PPARG: variants seen among roughly 807,000 people sequenced by gnomAD.
PPARG encodes the protein peroxisome proliferator-activated receptor gamma.
A neutral mutation model predicts 39.2 loss-of-function variants in PPARG; 17 were observed. The observed-to-expected ratio is 0.43, with a 90% CI of 0.30 to 0.65. PPARG has a LOEUF of 0.65. Among genes scored for constraint, PPARG ranks in the 30% least tolerant of loss-of-function variants. The probability of loss-of-function intolerance (pLI) is 0.13; values close to 1 mark genes in which losing one functional copy is unlikely to be tolerated. For missense variants in PPARG, 406 were observed against 585.9 expected, an observed-to-expected ratio of 0.69 and a Z score of 3.17; for synonymous variants, 223 against 215.7, an observed-to-expected ratio of 1.03 and a Z score of -0.30.
At chr3:12,419,795 T>A (rs2051201440) in intron 7 of PPARG, among the ~76,000 whole-genome samples, 2 of 152,172 alleles carry the variant, frequency 1.3e-5, no homozygotes, top group South Asian at 4.1e-4. Context: ...AGGCACATTT[T>A]ATTTTTAATA....
At position 12,434,030 on chromosome 3, in the gene PPARG, C is replaced by G; in HGVS notation, c.1313C>G (p.Thr438Arg). The G allele has an allele frequency of 6.2e-7, 1 of 1,614,226 alleles. No individual in the cohort carries two copies. The highest frequency in any genetic ancestry group is 8.5e-7 in the Non-Finnish European group (1 of 1,180,034). Residue 438 changes from threonine to arginine, a missense_variant, in exon 8 of 8, where the codon ACA becomes AGA. Physicochemically the swap from Thr to Arg is moderately conservative, Grantham distance 71 (BLOSUM62 -1). Transcript: ENST00000651735. The surrounding 1 kb of genome is among the most constrained non-coding windows in gnomAD (Gnocchi z 4.2). ...QLFAKLLQKM[T>R]DLRQIVTEHV... ...TTTGCCAAGCTGCTCCAGAAAATGA[C>G]AGACCTCAGACAGATTGTCACGGAA... is the stretch of plus-strand genomic sequence containing the variant.
At chr3:12,366,132 C>G (rs1048333250) in intron 2 of PPARG, among the ~76,000 whole-genome samples, 2 of 151,876 alleles carry the variant, frequency 1.3e-5, no homozygotes, top group African/African-American at 4.8e-5. Context: ...TAAATTTATA[C>G]TTAAGTATTT....
At chr3:12,362,697 G>T (rs1010297209) in intron 2 of PPARG, among the ~76,000 whole-genome samples, 3 of 151,888 alleles carry the variant, frequency 2.0e-5, no homozygotes, top group Non-Finnish European at 4.4e-5. Context: ...CCAGTACAGT[G>T]GTGAGTAGAA....
chr3:12,362,674 A>G (rs1377768540), intron 2 of PPARG, among the ~76,000 whole-genome samples: 1 of 151,708 alleles, frequency 6.6e-6, no homozygotes, highest in Non-Finnish European at 1.5e-5. Context: ...CCTTTGTTGC[A>G]TTGGATGGAT....
At chr3:12,417,916 T>TCC (rs1439758741) in intron 7 of PPARG, among the ~76,000 whole-genome samples, 1 of 129,818 alleles carries the variant, frequency 7.7e-6, no homozygotes, top group East Asian at 2.2e-4. Flanking sequence ...TTTTTTTTTT[T>TCC]TTTTTTTTTG....
At chr3:12,429,585 A>T (rs1010989896) in intron 7 of PPARG, among the ~76,000 whole-genome samples, 5 of 142,410 alleles carry the variant, frequency 3.5e-5, no homozygotes, top group African/African-American at 5.2e-5. Flanking sequence ...AAGCAGGTGG[A>T]GGAAGGAGGA....
chr3:12,329,464 G>C (rs1420458053), intron 2 of PPARG, among the ~76,000 whole-genome samples: 2 of 152,140 alleles, frequency 1.3e-5, no homozygotes, highest in Non-Finnish European at 2.9e-5. Flanking sequence ...TAGACTAGAT[G>C]ATTAGTTGTA....
intron 2 of PPARG, among the ~76,000 whole-genome samples, chr3:12,332,025 A>C (rs2047876208): frequency 6.6e-6 from 1 of 152,170 alleles, no homozygotes; most frequent in Non-Finnish European, 1.5e-5. Flanking sequence ...AGTGCTTGAA[A>C]CTATATGTGT....
chr3:12,288,253 G>A (rs936898806), upstream of PPARG, among the ~76,000 whole-genome samples: 1 of 151,824 alleles, frequency 6.6e-6, no homozygotes. Context: ...GGTCGCGGGC[G>A]GGCGGCTCAC....
chr3:12,328,503 G>A (rs996775201), intron 2 of PPARG, among the ~76,000 whole-genome samples: 4 of 152,196 alleles, frequency 2.6e-5, no homozygotes, highest in African/African-American at 4.8e-5. Flanking sequence ...TCCCTCTTGG[G>A]GTGTGTGATG....
At chr3:12,415,337 A>G (rs1300993741) in intron 6 of PPARG, among the ~76,000 whole-genome samples, 2 of 152,220 alleles carry the variant, frequency 1.3e-5, no homozygotes, top group East Asian at 3.8e-4. Context: ...CTTAAGTCAC[A>G]TGGCTCACCA....
intron 7 of PPARG, among the ~76,000 whole-genome samples, chr3:12,426,374 T>C (rs777792964): frequency 2.6e-5 from 4 of 152,220 alleles, no homozygotes; most frequent in Non-Finnish European, 5.9e-5. Flanking sequence ...CTATTTTATG[T>C]CATCCCCTTT....
chr3:12,338,035 T>C (rs568919226), intron 2 of PPARG, among the ~76,000 whole-genome samples: 6 of 152,338 alleles, frequency 3.9e-5, no homozygotes, highest in South Asian at 4.1e-4. Flanking sequence ...TTCTGCCTCT[T>C]CAGTCTTAAA....
At chr3:12,418,482 C>A (rs2051153730) in intron 7 of PPARG, among the ~76,000 whole-genome samples, 1 of 152,184 alleles carries the variant, frequency 6.6e-6, no homozygotes, top group Admixed American at 6.5e-5. Flanking sequence ...AGAGCACGAT[C>A]CCTTTGTCAT....
chr3:12,362,704 A>T (rs895220638), intron 2 of PPARG, among the ~76,000 whole-genome samples: 3 of 152,088 alleles, frequency 2.0e-5, no homozygotes, highest in Non-Finnish European at 4.4e-5. Context: ...AGTGGTGAGT[A>T]GAAGTAATGA....
At chr3:12,310,593 A>C (rs2124988915) in intron 1 of PPARG, among the ~76,000 whole-genome samples, 1 of 117,240 alleles carries the variant, frequency 8.5e-6, no homozygotes, top group South Asian at 2.8e-4. Flanking sequence ...CCTCCCAAGT[A>C]GCTGGGACTA....
At chr3:12,406,360 T>A (rs907184143) in intron 6 of PPARG, 12 of 427,274 alleles carry the variant, frequency 2.8e-5, no homozygotes, top group Non-Finnish European at 5.2e-5. Flanking sequence ...TTAAGCCCCC[T>A]GAGCCTATCA....
intron 5 of PPARG, among the ~76,000 whole-genome samples, chr3:12,399,004 G>A (rs1431671837): frequency 2.0e-5 from 3 of 152,162 alleles, no homozygotes; most frequent in Admixed American, 2.0e-4. Flanking sequence ...TGGGCAGAAA[G>A]GCCAGAGCCA....
At chr3:12,332,172 CT>C (rs1422104161) in intron 2 of PPARG, among the ~76,000 whole-genome samples, 1 of 152,090 alleles carries the variant, frequency 6.6e-6, no homozygotes, top group Non-Finnish European at 1.5e-5. Flanking sequence ...ATTTAAATTT[CT>C]GCTTAACCTA....
Sources: allele counts gnomAD v4.1 joint callset (sites outside exome capture counted in the v4.1 genomes callset), GRCh38; gene constraint gnomAD v4.1.1; non-coding constraint Gnocchi (gnomAD v3.1); transcripts MANE v1.5; gene names NCBI Gene and HGNC (gene_info 2026-07-23, HGNC 2026-07-21).